SGK3: variants seen among roughly 807,000 people sequenced by gnomAD.
SGK3 encodes serine/threonine-protein kinase Sgk3.
Under a neutral mutation model 68.5 loss-of-function variants are expected in SGK3, and 47 were observed. That is an observed-to-expected ratio of 0.69 (90% confidence interval 0.54 to 0.87). SGK3 has a LOEUF of 0.87. Among genes scored for constraint, SGK3 ranks in the 40% least tolerant of loss-of-function variants. The pLI is 0.00. For synonymous variants in SGK3, 181 were observed against 189.1 expected (o/e 0.96, Z 0.35); for missense variants, 479 against 575.5 (o/e 0.83, Z 1.72).
chr8:66,753,808 A>C (rs1414839931), intron 1 of SGK3, among the ~76,000 whole-genome samples: 1 of 152,152 alleles, frequency 6.6e-6, no homozygotes, highest in African/African-American at 2.4e-5. Flanking sequence ...AGCAAGAGCG[A>C]AACTCCCTCT....
chr8:66,803,854 T>G (rs1356956740), intron 3 of SGK3, among the ~76,000 whole-genome samples: 1 of 151,936 alleles, frequency 6.6e-6, no homozygotes, highest in Non-Finnish European at 1.5e-5. Context: ...GAGACGAAGT[T>G]TCACTTATTA....
At chr8:66,810,353 C>T (rs1274796818) in intron 4 of SGK3, among the ~76,000 whole-genome samples, 2 of 151,396 alleles carry the variant, frequency 1.3e-5, no homozygotes, top group African/African-American at 2.4e-5. Context: ...TTAAAGTAGG[C>T]GAATAAGGTT....
At chr8:66,716,081 G>A (rs1804622880) in intron 1 of SGK3, among the ~76,000 whole-genome samples, 1 of 152,058 alleles carries the variant, frequency 6.6e-6, no homozygotes, top group Admixed American at 6.6e-5. Flanking sequence ...CTCAACTTAT[G>A]TAACATGTTA....
At chr8:66,719,420 G>T (rs1804737468) in intron 1 of SGK3, among the ~76,000 whole-genome samples, 1 of 152,044 alleles carries the variant, frequency 6.6e-6, no homozygotes, top group African/African-American at 2.4e-5. Context: ...TCGACCTCTA[G>T]GGTTCAAGCA....
chr8:66,815,383 G>A (rs1226769380), intron 5 of SGK3, among the ~76,000 whole-genome samples: 2 of 152,142 alleles, frequency 1.3e-5, no homozygotes, highest in Admixed American at 1.3e-4. Flanking sequence ...TCTGGCAGGT[G>A]GCAGAAGGGC....
chr8:66,853,002 T>A (rs1810355629), intron 16 of SGK3, among the ~76,000 whole-genome samples: 2 of 152,264 alleles, frequency 1.3e-5, no homozygotes, highest in Admixed American at 1.3e-4. Flanking sequence ...ATTGGATCCC[T>A]GCTCTTCTAT....
intron 1 of SGK3, among the ~76,000 whole-genome samples, chr8:66,784,833 C>CAA (rs916144588): frequency 6.6e-6 from 1 of 151,966 alleles, no homozygotes; most frequent in African/African-American, 2.4e-5. Flanking sequence ...AGACCCCAAA[C>CAA]AAAAAAATTT....
chr8:66,722,239 A>G (rs1804814604), intron 1 of SGK3, among the ~76,000 whole-genome samples: 2 of 152,042 alleles, frequency 1.3e-5, no homozygotes, highest in African/African-American at 4.8e-5. Context: ...TCTCATAAAC[A>G]TTATTGGAAA....
At chr8:66,816,971 C>G (rs531330681) in intron 5 of SGK3, among the ~76,000 whole-genome samples, 4 of 152,192 alleles carry the variant, frequency 2.6e-5, no homozygotes, top group African/African-American at 9.6e-5. Context: ...GCTGGGATTA[C>G]AGGTGTGAGC....
At chr8:66,752,974 C>G (rs1021959127) in intron 1 of SGK3, among the ~76,000 whole-genome samples, 4 of 152,046 alleles carry the variant, frequency 2.6e-5, no homozygotes, top group African/African-American at 9.7e-5. Flanking sequence ...CTTCAGCCTC[C>G]CAGAGTGTTG....
At chr8:66,764,825 GAATATA>G (rs1377961224) in intron 1 of SGK3, among the ~76,000 whole-genome samples, 2 of 152,104 alleles carry the variant, frequency 1.3e-5, no homozygotes, top group East Asian at 3.8e-4. Flanking sequence ...CATTTATGTG[GAATATA>G]AATATAAATA....
At chr8:66,726,326 G>C (rs537713859) in intron 1 of SGK3, among the ~76,000 whole-genome samples, 10 of 152,222 alleles carry the variant, frequency 6.6e-5, no homozygotes, top group Admixed American at 3.3e-4. Flanking sequence ...GTGGCAACAC[G>C]AGGCAGAGCT....
At chr8:66,842,118 A>C (rs539822943) in intron 13 of SGK3, among the ~76,000 whole-genome samples, 5 of 151,870 alleles carry the variant, frequency 3.3e-5, no homozygotes, top group African/African-American at 7.2e-5. Context: ...GCTTGTATAT[A>C]TTTATAACCA....
At chr8:66,792,819 C>G (rs188268945) in intron 1 of SGK3, among the ~76,000 whole-genome samples, 28 of 152,264 alleles carry the variant, frequency 1.8e-4, no homozygotes, top group African/African-American at 6.7e-4. Context: ...TTGGTGTGCT[C>G]TTGAGCCTAG....
chr8:66,822,961 T>A (rs186411916), intron 6 of SGK3, among the ~76,000 whole-genome samples: 4 of 152,156 alleles, frequency 2.6e-5, no homozygotes, highest in African/African-American at 9.7e-5. Flanking sequence ...GAATGAGTAC[T>A]TTTTTACTAA....
chr8:66,768,444 ATCTT>A (rs1422421213), intron 1 of SGK3, among the ~76,000 whole-genome samples: 7 of 151,734 alleles, frequency 4.6e-5, no homozygotes, highest in Non-Finnish European at 8.8e-5. Context: ...GTCTGAAAAA[ATCTT>A]TATATAGCTT....
chr8:66,853,228 T>A (rs1810364138), intron 16 of SGK3, among the ~76,000 whole-genome samples: 1 of 152,214 alleles, frequency 6.6e-6, no homozygotes, highest in African/African-American at 2.4e-5. Flanking sequence ...GGGCTCTGTC[T>A]TCAAGAAAAT....
chr8:66,773,405 C>T (rs1806580542), intron 1 of SGK3, among the ~76,000 whole-genome samples: 1 of 152,082 alleles, frequency 6.6e-6, no homozygotes, highest in Non-Finnish European at 1.5e-5. Context: ...AGTATTACCC[C>T]CTTATCCAAG....
chr8:66,745,611 C>G (rs1202217667), intron 1 of SGK3, among the ~76,000 whole-genome samples: 1 of 150,058 alleles, frequency 6.7e-6, no homozygotes, highest in African/African-American at 2.5e-5. Context: ...ACAACAAAAA[C>G]TGAGTAAAAG....
Sources: allele counts gnomAD v4.1 joint callset (sites outside exome capture counted in the v4.1 genomes callset), GRCh38; gene constraint gnomAD v4.1.1; transcripts MANE v1.5; gene names NCBI Gene and HGNC (gene_info 2026-07-23, HGNC 2026-07-21).